Variants in ADARB2 observed in about 807,000 individuals in gnomAD.
ADARB2 encodes adenosine deaminase RNA specific B2 (inactive), also known as inactive double-stranded RNA-specific editase B2.
In ADARB2, 25 loss-of-function variants were observed where a neutral mutation model predicts 62.2. That is an observed-to-expected ratio of 0.40 (90% CI 0.29 to 0.56). The LOEUF (loss-of-function observed/expected upper bound fraction) is 0.56, where lower values mean the gene tolerates loss of function less well. ADARB2 is among the 20% of genes least tolerant of loss of function. The probability of loss-of-function intolerance (pLI) is 0.43; values close to 1 mark genes in which losing one functional copy is unlikely to be tolerated. For synonymous variants in ADARB2, 572 were observed against 500.8 expected, an observed-to-expected ratio of 1.14 and a Z score of -1.90; for missense variants, 1,071 against 1,077.4, an observed-to-expected ratio of 0.99 and a Z score of 0.08.
At chr10:1,685,859 C>A (rs1834590846) in intron 1 of ADARB2, among the ~76,000 whole-genome samples, 1 of 152,212 alleles carries the variant, frequency 6.6e-6, no homozygotes, top group African/African-American at 2.4e-5. Flanking sequence ...GGAACAAGGA[C>A]TTCAGCCCTC....
At chr10:1,388,087 G>A (rs1469589277) in intron 1 of ADARB2, among the ~76,000 whole-genome samples, 2 of 151,866 alleles carry the variant, frequency 1.3e-5, no homozygotes, top group African/African-American at 4.8e-5. Context: ...ATAAGTTAAA[G>A]ATAAATAAAT....
At chr10:1,616,198 C>A (rs1308585899) in intron 1 of ADARB2, among the ~76,000 whole-genome samples, 1 of 152,196 alleles carries the variant, frequency 6.6e-6, no homozygotes, top group African/African-American at 2.4e-5. Context: ...TGGTGGCTTG[C>A]ATTTCTATAG....
chr10:1,382,267 A>G (rs1391111544), intron 1 of ADARB2, among the ~76,000 whole-genome samples: 1 of 152,212 alleles, frequency 6.6e-6, no homozygotes, highest in Non-Finnish European at 1.5e-5. Flanking sequence ...TGGACTTCAG[A>G]TTTCATGGGA....
intron 4 of ADARB2, among the ~76,000 whole-genome samples, chr10:1,250,369 T>C (rs1038464953): frequency 6.6e-6 from 1 of 152,084 alleles, no homozygotes; most frequent in Admixed American, 6.5e-5. Context: ...TATGAAGGGC[T>C]TGGTGCTGTC....
At chr10:1,584,128 A>G (rs1833143692) in intron 1 of ADARB2, among the ~76,000 whole-genome samples, 1 of 152,238 alleles carries the variant, frequency 6.6e-6, no homozygotes, top group Non-Finnish European at 1.5e-5. Context: ...TAAAAACAAA[A>G]TCAATAAATG....
At chr10:1,276,072 G>A (rs931084566) in intron 3 of ADARB2, among the ~76,000 whole-genome samples, 27 of 152,160 alleles carry the variant, frequency 1.8e-4, no homozygotes, top group Non-Finnish European at 2.6e-4. Context: ...GATCCCTGAG[G>A]AATCGCCACA....
intron 3 of ADARB2, among the ~76,000 whole-genome samples, chr10:1,353,515 G>C (rs1257805132): frequency 6.6e-6 from 1 of 151,936 alleles, no homozygotes; most frequent in Non-Finnish European, 1.5e-5. Context: ...GGTCCAGCAA[G>C]ACCTCCCCAG....
In ADARB2 at chr10:1,371,605, A is replaced by G. The variant is rs190806756; in HGVS notation, c.187+7469T>C. 2.0e-5 allele frequency among the ~76,000 whole-genome samples: 3 copies of G among 152,306 alleles called. No individual in the cohort carries two copies. The East Asian group carries it at 5.8e-4, about 29-fold the overall frequency. On this transcript the variant is annotated intron_variant, in intron 2 of 9. Coordinates refer to ENST00000381312, the MANE Select transcript of ADARB2 (RefSeq NM_018702.4). The stretch of plus-strand genomic sequence containing the variant: ...CATGGAATTCAAATAACTTAGCAAG[A>G]AAAAACCAAACAACTCCACAAAAAA...
chr10:1,719,860 C>A (rs914395492), intron 1 of ADARB2, among the ~76,000 whole-genome samples: 2 of 152,206 alleles, frequency 1.3e-5, no homozygotes, highest in African/African-American at 4.8e-5. Flanking sequence ...TCATACCAGT[C>A]AGAATGGCTA....
At chr10:1,726,089 C>T (rs369252779) in intron 1 of ADARB2, among the ~76,000 whole-genome samples, 12 of 152,176 alleles carry the variant, frequency 7.9e-5, no homozygotes, top group Non-Finnish European at 1.2e-4. Context: ...AATACTATTA[C>T]GGGTAAGGAT....
intron 6 of ADARB2, among the ~76,000 whole-genome samples, chr10:1,220,804 A>C (rs1202031798): frequency 6.6e-6 from 1 of 152,212 alleles, no homozygotes; most frequent in African/African-American, 2.4e-5. Context: ...CTTTCCATGA[A>C]GTACACTTGA....
chr10:1,193,911 TA>T (rs1253985197), intron 8 of ADARB2, among the ~76,000 whole-genome samples: 3 of 152,198 alleles, frequency 2.0e-5, no homozygotes, highest in Non-Finnish European at 4.4e-5. Flanking sequence ...AGATGAGAAT[TA>T]AAAAAAGTTA....
intron 1 of ADARB2, among the ~76,000 whole-genome samples, chr10:1,450,825 G>C (rs1170103258): frequency 6.6e-6 from 1 of 152,178 alleles, no homozygotes; most frequent in African/African-American, 2.4e-5. Flanking sequence ...AAGATTTGGG[G>C]TGTTATCTGC....
chr10:1,597,790 G>T (rs1364001527), intron 1 of ADARB2, among the ~76,000 whole-genome samples: 2 of 152,208 alleles, frequency 1.3e-5, no homozygotes, highest in Non-Finnish European at 2.9e-5. Context: ...CAAAGGGAAA[G>T]AAATCATTGT....
intron 1 of ADARB2, among the ~76,000 whole-genome samples, chr10:1,645,778 C>CT (rs36000779): frequency 0.25 from 37,539 of 152,100 alleles, 4,912 homozygotes; most frequent in Middle Eastern, 0.34. Flanking sequence ...TGCCTCTCCT[C>CT]CTGGAGTTCA....
intron 8 of ADARB2, among the ~76,000 whole-genome samples, chr10:1,193,188 G>A (rs1341247715): frequency 6.6e-6 from 1 of 152,204 alleles, no homozygotes; most frequent in Non-Finnish European, 1.5e-5. Context: ...GGCCTGGGCG[G>A]TGTCCTCTCA....
At chr10:1,636,810 G>A (rs897562338) in intron 1 of ADARB2, among the ~76,000 whole-genome samples, 2 of 146,054 alleles carry the variant, frequency 1.4e-5, no homozygotes, top group Non-Finnish European at 3.0e-5. Context: ...ATATAATATT[G>A]TTATATATGT....
rs182431816 is a variant in ADARB2, at chr10:1,323,088, G to T, written c.1077+39940C>A. Among the ~76,000 whole-genome samples, 24 of 152,248 alleles carry T rather than the reference G, an allele frequency of 1.6e-4. 1 individual carries two copies. The East Asian group carries it at 2.3e-3, about 15-fold the overall frequency. On this transcript the variant is annotated intron_variant, in intron 3 of 9. Coordinates refer to ENST00000381312, the MANE Select transcript of ADARB2 (RefSeq NM_018702.4). ...ATCAGAATTTCAAAAAGTATTGAAGGTTAATAAAGGAGGAAAGCCCTTTTT... is the reference window on the plus strand; with the variant it reads ...ATCAGAATTTCAAAAAGTATTGAAGTTTAATAAAGGAGGAAAGCCCTTTTT...
At chr10:1,588,024 A>G (rs959979031) in intron 1 of ADARB2, among the ~76,000 whole-genome samples, 1 of 152,166 alleles carries the variant, frequency 6.6e-6, no homozygotes, top group Non-Finnish European at 1.5e-5. Context: ...GTCTTTATCA[A>G]CAGCTGAAAG....
Sources: gnomAD v4.1 joint callset for allele counts (sites outside exome capture counted in the v4.1 genomes callset) on GRCh38, gnomAD v4.1.1 for gene constraint, MANE v1.5 for transcripts, NCBI Gene and HGNC (gene_info 2026-07-23, HGNC 2026-07-21) for gene names.